Variants in EYS observed in about 807,000 individuals in gnomAD.
EYS encodes the protein protein eyes shut homolog.
A neutral mutation model predicts 282.1 loss-of-function variants in EYS; 250 were observed. The ratio of observed to expected loss-of-function variants is 0.89; its 90% CI spans 0.80 to 0.98. The LOEUF (loss-of-function observed/expected upper bound fraction) is 0.98. Among genes scored for constraint, EYS ranks in the 50% least tolerant of loss-of-function variants. The pLI is 0.00. For synonymous variants in EYS, 1,355 were observed against 1,282.9 expected (o/e 1.06, Z -1.20); for missense variants, 4,016 against 3,709.0 (o/e 1.08, Z -2.15).
At chr6:64,489,190 A>T (rs941699035) in intron 26 of EYS, among the ~76,000 whole-genome samples, 6 of 150,896 alleles carry the variant, frequency 4.0e-5, no homozygotes, top group African/African-American at 1.5e-4. Flanking sequence ...AATGTAAGAA[A>T]ATATGTTCAC....
At chr6:65,018,059 A>G (rs897856464) in intron 13 of EYS, among the ~76,000 whole-genome samples, 1 of 152,218 alleles carries the variant, frequency 6.6e-6, no homozygotes, top group Non-Finnish European at 1.5e-5. Context: ...GCCAATAAAG[A>G]TACTTCTACT....
intron 12 of EYS, among the ~76,000 whole-genome samples, chr6:65,105,268 A>G (rs1377344202): frequency 6.6e-6 from 1 of 151,474 alleles, no homozygotes; most frequent in East Asian, 1.9e-4. Flanking sequence ...TACTGAAACA[A>G]TTTCTTCAGT....
At chr6:64,562,737 A>T (rs990660929) in intron 26 of EYS, among the ~76,000 whole-genome samples, 1 of 151,928 alleles carries the variant, frequency 6.6e-6, no homozygotes, top group Non-Finnish European at 1.5e-5. Flanking sequence ...CTATATGTTT[A>T]TGCTATGTTT....
chr6:65,646,585 C>G (rs1389417046), intron 1 of EYS, among the ~76,000 whole-genome samples: 1 of 152,122 alleles, frequency 6.6e-6, no homozygotes, highest in Non-Finnish European at 1.5e-5. Context: ...TGGGAAGAAG[C>G]TGAATGCATT....
At chr6:65,211,506 C>G (rs1039502243) in intron 12 of EYS, among the ~76,000 whole-genome samples, 2 of 151,880 alleles carry the variant, frequency 1.3e-5, no homozygotes, top group Admixed American at 1.3e-4. Flanking sequence ...AAGACAAAAG[C>G]TTTATATATA....
intron 35 of EYS, among the ~76,000 whole-genome samples, chr6:63,951,486 A>C (rs1438007524): frequency 6.6e-6 from 1 of 151,838 alleles, no homozygotes; most frequent in Non-Finnish European, 1.5e-5. Context: ...CTCAGTCTGA[A>C]CCCCAAGCAT....
chr6:65,177,034 T>A (rs1375096263), intron 12 of EYS, among the ~76,000 whole-genome samples: 4 of 151,804 alleles, frequency 2.6e-5, no homozygotes, highest in Non-Finnish European at 5.9e-5. Context: ...TCATTACTTA[T>A]TTTAAAAAGT....
intron 29 of EYS, among the ~76,000 whole-genome samples, chr6:64,371,515 T>C (rs1772372029): frequency 6.6e-6 from 1 of 152,020 alleles, no homozygotes; most frequent in Non-Finnish European, 1.5e-5. Context: ...AGTTCTATAG[T>C]ATGTTTATTA....
intron 41 of EYS, among the ~76,000 whole-genome samples, chr6:63,755,980 G>A (rs1021140296): frequency 1.3e-5 from 2 of 152,166 alleles, no homozygotes; most frequent in Non-Finnish European, 2.9e-5. Context: ...CATTGATCTT[G>A]TATCCTGAGA....
At chr6:64,689,076 C>T (rs1388254766) in intron 22 of EYS, among the ~76,000 whole-genome samples, 6 of 152,120 alleles carry the variant, frequency 3.9e-5, no homozygotes, top group Non-Finnish European at 8.8e-5. Flanking sequence ...AAAACCCCAT[C>T]GTCTCAGCCC....
chr6:63,766,988 A>G (rs1057147131), intron 40 of EYS, among the ~76,000 whole-genome samples: 1 of 152,100 alleles, frequency 6.6e-6, no homozygotes, highest in Non-Finnish European at 1.5e-5. Flanking sequence ...AAACCATATC[A>G]TGTCCTCAAT....
At chr6:65,119,415 G>T (rs558733923) in intron 12 of EYS, among the ~76,000 whole-genome samples, 2 of 152,100 alleles carry the variant, frequency 1.3e-5, no homozygotes, top group Non-Finnish European at 2.9e-5. Flanking sequence ...ACTGGTGACT[G>T]CAGGGTTTCA....
intron 8 of EYS, among the ~76,000 whole-genome samples, chr6:65,374,222 T>G (rs1450841633): frequency 6.6e-6 from 1 of 151,964 alleles, no homozygotes; most frequent in Non-Finnish European, 1.5e-5. Context: ...AGGCAGTGAG[T>G]GCGGCCCACC....
At chr6:63,739,907 C>T (rs141225859) in intron 41 of EYS, among the ~76,000 whole-genome samples, 9,798 of 149,678 alleles carry the variant, frequency 0.065, 445 homozygotes, top group East Asian at 0.16. Context: ...GCCATGTTAG[C>T]CAGGCTGGTC....
At chr6:64,434,588 C>T (rs1774678028) in intron 28 of EYS, among the ~76,000 whole-genome samples, 1 of 152,024 alleles carries the variant, frequency 6.6e-6, no homozygotes, top group Admixed American at 6.6e-5. Context: ...TATTACATTT[C>T]TCTAGCATGG....
chr6:64,348,836 TCTTTA>T (rs1183029716), intron 29 of EYS, among the ~76,000 whole-genome samples: 1 of 151,442 alleles, frequency 6.6e-6, no homozygotes, highest in Non-Finnish European at 1.5e-5. Context: ...ATACTGAGAA[TCTTTA>T]CAGTCTTATT....
At chr6:63,748,837 C>T (rs1374305569) in intron 41 of EYS, among the ~76,000 whole-genome samples, 2 of 151,946 alleles carry the variant, frequency 1.3e-5, no homozygotes, top group Non-Finnish European at 2.9e-5. Flanking sequence ...GTAATATCCC[C>T]CTTGTTATTT....
At chr6:64,186,775 T>A (rs1438875645) in intron 31 of EYS, among the ~76,000 whole-genome samples, 2 of 152,162 alleles carry the variant, frequency 1.3e-5, no homozygotes, top group African/African-American at 4.8e-5. Flanking sequence ...CAAAAAGGAC[T>A]CTTTCAGTTC....
chr6:64,750,139 T>C (rs111793824), intron 22 of EYS, among the ~76,000 whole-genome samples: 3,170 of 152,124 alleles, frequency 0.021, 107 homozygotes, highest in African/African-American at 0.069. Context: ...CCAAAGTAAT[T>C]TAATACTTTA....
Sources: gnomAD v4.1 joint callset for allele counts (sites outside exome capture counted in the v4.1 genomes callset) on GRCh38, gnomAD v4.1.1 for gene constraint, MANE v1.5 for transcripts, NCBI Gene and HGNC (gene_info 2026-07-23, HGNC 2026-07-21) for gene names.